The following DIDO1 variants were observed in gnomAD, a reference collection of about 807,000 sequenced individuals.
DIDO1 encodes death inducer-obliterator 1, also known as death-inducer obliterator 1.
DIDO1 carries 16 observed loss-of-function variants against 99.4 expected under a neutral mutation model. The observed-to-expected ratio is 0.16, with a 90% confidence interval of 0.11 to 0.24. The LOEUF (loss-of-function observed/expected upper bound fraction) is 0.24. Ranked by LOEUF, DIDO1 falls within the 10% of genes least tolerant of loss-of-function variation. The probability of loss-of-function intolerance (pLI) is 1.00; values close to 1 mark genes in which losing one functional copy is unlikely to be tolerated. For missense variants in DIDO1, 2,996 were observed against 3,014.0 expected, an observed-to-expected ratio of 0.99 and a Z score of 0.14; for synonymous variants, 1,366 against 1,239.1, an observed-to-expected ratio of 1.10 and a Z score of -2.15.
At chr20:62,932,321 A>T (rs2147610603) in intron 1 of DIDO1, among the ~76,000 whole-genome samples, 1 of 152,332 alleles carries the variant, frequency 6.6e-6, no homozygotes, top group East Asian at 1.9e-4. Flanking sequence ...AGGAACTCTT[A>T]TTTCTACTTC....
chr20:62,898,060 A>C (rs2064577268), intron 6 of DIDO1, among the ~76,000 whole-genome samples: 1 of 152,198 alleles, frequency 6.6e-6, no homozygotes, highest in Non-Finnish European at 1.5e-5. Context: ...CAAGCCTCCA[A>C]AACTCCCAAA....
In DIDO1 at chr20:62,911,133, G is replaced by C. The variant is rs768683986; in HGVS notation, c.480C>G (p.Thr160=). 2 of 1,614,088 alleles carry C rather than the reference G, an allele frequency of 1.2e-6. No homozygotes were observed. Among genetic ancestry groups the C allele is most frequent in the Non-Finnish European group, 1.7e-6 (2 of 1,180,040 alleles). ...GAAGGCGATTCTGAAGCTCTTTCAA[G>C]GTCAGGCCATCGCTGTCACTATCGG... ...DTSDSDSDGL[T]LKELQNRLRR... is the part of the protein sequence containing the mutation. The change falls in exon 3 of 16, where the codon ACC becomes ACG. Residue 160 remains threonine, a synonymous_variant. Transcript: ENST00000395343. The surrounding 1 kb of genome is among the most constrained non-coding windows in gnomAD (Gnocchi z 7.0).
At chr20:62,919,918 G>T (rs1452882324) in intron 1 of DIDO1, among the ~76,000 whole-genome samples, 1 of 152,232 alleles carries the variant, frequency 6.6e-6, no homozygotes, top group East Asian at 1.9e-4. Flanking sequence ...ATTTATCGAG[G>T]TGAAGGAGAA....
chr20:62,891,203 C>T (rs1341666592), intron 14 of DIDO1, 48 bp from the exon 15 acceptor site: 2 of 1,609,768 alleles, frequency 1.2e-6, no homozygotes, highest in Admixed American at 1.7e-5. Flanking sequence ...GTGGCTCAAG[C>T]ATCACACGCC....
At chr20:62,899,487 AACTAC>A (rs1424487189) in intron 6 of DIDO1, among the ~76,000 whole-genome samples, 4 of 152,224 alleles carry the variant, frequency 2.6e-5, no homozygotes, top group African/African-American at 7.2e-5. Flanking sequence ...CTGCTCGTGT[AACTAC>A]ACTATTGTCT....
chr20:62,901,965 G>A (rs142456547), intron 6 of DIDO1, among the ~76,000 whole-genome samples: 12 of 151,960 alleles, frequency 7.9e-5, no homozygotes, highest in South Asian at 2.1e-4. Flanking sequence ...AGGCTTTCCC[G>A]AGTATTCATC....
Position 62,879,682 on chromosome 20 carries a change from C to T in DIDO1, c.6274G>A (p.Asp2092Asn). 1 of 1,610,138 alleles carries T rather than the reference C, an allele frequency of 6.2e-7. No individual in the cohort carries two copies. Among genetic ancestry groups the T allele is most frequent in the Non-Finnish European group, 8.5e-7 (1 of 1,179,798 alleles). ...AGCGGCTTCTCTTTGGGCCCCACGT[C>T]AAACCGCTCTCTCTGCCTCCCTTCG... Reference protein sequence around the residue: ...TFEGRQRERFDVGPKEKPLEE... With the variant: ...TFEGRQRERFNVGPKEKPLEE... Residue 2092 changes from aspartate (D) to asparagine (N), a missense_variant, in exon 16 of 16, where the codon GAC (aspartate) becomes AAC (asparagine). By Grantham distance (23) the Asp-to-Asn change is conservative (BLOSUM62 1). Transcript: ENST00000395343. The surrounding 1 kb of genome is among the most constrained non-coding windows in gnomAD (Gnocchi z 6.3).
chr20:62,930,237 G>T (rs1303888123), upstream of DIDO1, among the ~76,000 whole-genome samples: 1 of 150,872 alleles, frequency 6.6e-6, no homozygotes. Flanking sequence ...AAAAAACACA[G>T]ATCTTTGTCT....
intron 1 of DIDO1, among the ~76,000 whole-genome samples, chr20:62,919,109 T>A (rs1049106401): frequency 5.9e-5 from 9 of 152,194 alleles, no homozygotes; most frequent in African/African-American, 2.2e-4. Context: ...GGAAAGAGAT[T>A]TGGGCCCACA....
At position 62,879,200 on chromosome 20, in the gene DIDO1, G is replaced by T. The variant is rs753685987; in HGVS notation, c.*33C>A. On this transcript the variant is annotated 3_prime_UTR_variant, in exon 16 of 16. Coordinates refer to ENST00000395343, the MANE Select transcript of DIDO1 (RefSeq NM_001193369.2). The surrounding 1 kb of genome is among the most constrained non-coding windows in gnomAD (Gnocchi z 6.3). Reference sequence around the variant, plus strand: ...TTGTTCAACGCATCTTACGAACGTGGCTTTAAAAAGGGTCTCTGCCCGGCC... The same window carrying T: ...TTGTTCAACGCATCTTACGAACGTGTCTTTAAAAAGGGTCTCTGCCCGGCC... 1.4e-6 allele frequency: 2 copies of T among 1,450,202 alleles called. No individual in the cohort carries two copies. The highest frequency in any genetic ancestry group is 3.0e-5 in the South Asian group (2 of 67,744). The allele number at this position is 1,450,202 out of a possible 1,614,324, so 89.8% of individuals were successfully genotyped here.
chr20:62,909,996 A>G lies in DIDO1; in HGVS notation c.864T>C (p.Cys288=). 2 of 1,609,280 alleles carry G rather than the reference A, an allele frequency of 1.2e-6. No individual in the cohort carries two copies. The highest frequency in any genetic ancestry group is 1.1e-5 in the South Asian group (1 of 91,076). The change falls in exon 4 of 16, where the codon TGT becomes TGC. Residue 288 remains cysteine, a synonymous_variant. Coordinates refer to ENST00000395343, the MANE Select transcript of DIDO1 (RefSeq NM_001193369.2). ...NNRFMICCDR[C]EEWFHGDCVG... ...CACAATCGCCATGAAACCATTCTTCACAGCGGTCACAGCAAATCATAAACC... is the reference window on the plus strand; with the variant it reads ...CACAATCGCCATGAAACCATTCTTCGCAGCGGTCACAGCAAATCATAAACC...
At position 62,892,791 on chromosome 20, in the gene DIDO1, C is replaced by T. The variant is rs370143799; in HGVS notation, c.3255+18G>A. ...TATGAAAGACACACACACGCACACA[C>T]ATTTTCTTGGTTCTAACCTCACTGA... On this transcript the variant is annotated intron_variant, in intron 13 of 15. Coordinates refer to ENST00000395343, the MANE Select transcript of DIDO1 (RefSeq NM_001193369.2). 16 of 1,602,020 alleles carry T rather than the reference C, an allele frequency of 1.0e-5. No individual in the cohort carries two copies. The highest frequency in any genetic ancestry group is 2.2e-5 in the South Asian group (2 of 90,580).
chr20:62,892,248 A>G (rs1314636778), intron 13 of DIDO1, among the ~76,000 whole-genome samples, 172 bp from the exon 14 acceptor site: 2 of 152,204 alleles, frequency 1.3e-5, no homozygotes, highest in Non-Finnish European at 2.9e-5. Context: ...AAGTGGCCAA[A>G]TCCAAAGGGG....
intron 1 of DIDO1, among the ~76,000 whole-genome samples, chr20:62,915,683 G>C (rs566306410): frequency 6.6e-6 from 1 of 152,048 alleles, no homozygotes; most frequent in African/African-American, 2.4e-5. Flanking sequence ...TTTAGAGACA[G>C]GGTTTTGCTA....
chr20:62,897,046 T>C, intron 6 of DIDO1, 50 bp from the exon 7 acceptor site: 1 of 1,523,384 alleles, frequency 6.6e-7, no homozygotes, highest in African/African-American at 1.4e-5. Flanking sequence ...CACAGGGTGC[T>C]GTCACCTGAC....
chr20:62,889,676 G>T (rs1039565556), intron 15 of DIDO1: 5 of 985,212 alleles, frequency 5.1e-6, no homozygotes, highest in Non-Finnish European at 6.0e-6. Flanking sequence ...CGTGGAGCTG[G>T]CCAGAGCTCT....
intron 1 of DIDO1, among the ~76,000 whole-genome samples, chr20:62,932,981 G>A (rs978248117): frequency 3.3e-5 from 5 of 152,190 alleles, no homozygotes; most frequent in Admixed American, 1.3e-4. Context: ...GGGAGGCCCA[G>A]GCAGGTGGAT....
chr20:62,905,540 T>C (rs2064782463), intron 6 of DIDO1: 1 of 1,550,914 alleles, frequency 6.4e-7, no homozygotes, highest in Non-Finnish European at 8.7e-7. Context: ...GGATGTGGCG[T>C]GCCGGGCAGT....
At chr20:62,886,485 T>C (rs1400105294) in intron 15 of DIDO1, among the ~76,000 whole-genome samples, 2 of 152,126 alleles carry the variant, frequency 1.3e-5, no homozygotes, top group East Asian at 1.9e-4. Flanking sequence ...TTCGAAAAGC[T>C]GTGTGGGCCA....
Sources: gnomAD v4.1 joint callset for allele counts (sites outside exome capture counted in the v4.1 genomes callset) on GRCh38, gnomAD v4.1.1 for gene constraint, Gnocchi (gnomAD v3.1) non-coding constraint, MANE v1.5 for transcripts, NCBI Gene and HGNC (gene_info 2026-07-23, HGNC 2026-07-21) for gene names.